Variants in KNSTRN observed in about 807,000 individuals in gnomAD.
KNSTRN encodes the protein kinetochore localized astrin (SPAG5) binding protein.
In KNSTRN, 38 loss-of-function variants were observed where a neutral mutation model predicts 44.7. The observed-to-expected ratio is 0.85, with a 90% confidence interval of 0.66 to 1.11. The LOEUF is 1.11. Among genes scored for constraint, KNSTRN ranks in the 50% most tolerant of loss-of-function variants. KNSTRN has a pLI of 0.00. For synonymous variants in KNSTRN, 158 were observed against 148.1 expected (o/e 1.07, Z -0.48); for missense variants, 406 against 375.8 (o/e 1.08, Z -0.66).
chr15:40,383,646 T>G (rs1433819702), intron 2 of KNSTRN, among the ~76,000 whole-genome samples: 2 of 152,210 alleles, frequency 1.3e-5, no homozygotes, highest in Non-Finnish European at 2.9e-5. Flanking sequence ...ATTTCCAGAC[T>G]TGGGCTATCT....
In KNSTRN at chr15:40,382,810, G is replaced by T. The variant is rs772531865; in HGVS notation, c.-26G>T. On this transcript the variant is annotated 5_prime_UTR_variant, in exon 1 of 9. Coordinates refer to ENST00000249776, the MANE Select transcript of KNSTRN (RefSeq NM_033286.4). ...ACACCTTTCGCTAGGTCTGGCTCTG[G>T]CCTCTGAGCGAACCTTCCGTACAGT... 27 of 1,600,906 alleles carry T rather than the reference G, an allele frequency of 1.7e-5. No homozygotes were observed. The highest frequency in any genetic ancestry group is 2.7e-5 in the African/African-American group (2 of 74,610).
intron 4 of KNSTRN, among the ~76,000 whole-genome samples, chr15:40,388,766 G>A (rs1032583774): frequency 1.3e-5 from 2 of 151,886 alleles, no homozygotes; most frequent in African/African-American, 4.8e-5. Context: ...CCTCATTCCC[G>A]TAAACCCACA....
In KNSTRN at chr15:40,393,901, A is replaced by G. The variant is rs922675422; in HGVS notation, c.*304A>G. 4 of 201,780 alleles carry G rather than the reference A, an allele frequency of 2.0e-5. No homozygotes were observed. The highest frequency in any genetic ancestry group is 4.0e-5 in the Non-Finnish European group (4 of 98,900). 12.5% of individuals were successfully genotyped at this position (201,780 alleles called of 1,614,324 possible). A position where few individuals can be genotyped will look rare whatever the true frequency, so the allele number is the denominator to read the frequency against. On this transcript the variant is annotated 3_prime_UTR_variant, in exon 9 of 9. Transcript: ENST00000249776. ...CCACCTGACTTCAGCACACCATTAC[A>G]ATCGGGAGACTAAACCAACAACCAG...
intron 4 of KNSTRN, chr15:40,389,072 A>G (rs1467834952): frequency 2.5e-6 from 1 of 405,824 alleles, no homozygotes; most frequent in Admixed American, 3.1e-5. Context: ...TATGCAACTC[A>G]CTGAAGGTCA....
intron 3 of KNSTRN, 81 bp downstream of exon 3, chr15:40,386,575 G>GACA: frequency 6.8e-7 from 1 of 1,464,726 alleles, no homozygotes; most frequent in East Asian, 2.3e-5. Context: ...CAGAGTTTTG[G>GACA]ACAACACAAG....
chr15:40,385,584 C>A (rs955565602), intron 2 of KNSTRN, among the ~76,000 whole-genome samples: 2 of 152,068 alleles, frequency 1.3e-5, no homozygotes, highest in Admixed American at 1.3e-4. Flanking sequence ...AGATACTTTC[C>A]TAGGTGATGG....
rs1889999319 is a variant in KNSTRN at position 40,391,619 on chromosome 15, G to A, written c.747+65G>A. On this transcript the variant is annotated intron_variant, in intron 7 of 8. Transcript: ENST00000249776. The stretch of plus-strand genomic sequence containing the variant: ...CTGTGGGGCTCTGTAAATCTAAGAA[G>A]GTCTCTGCTATATATTCCATAAACT... The A allele has an allele frequency of 1.1e-5, 14 of 1,325,420 alleles. No individual in the cohort carries two copies. In the Admixed American group the frequency reaches 2.4e-4, roughly 23 times the overall value. 82.1% of individuals were successfully genotyped at this position (1,325,420 alleles called of 1,614,324 possible). A position where few individuals can be genotyped will look rare whatever the true frequency, so the allele number is the denominator to read the frequency against.
chr15:40,391,683 G>C (rs759586906), intron 7 of KNSTRN, 129 bp downstream of exon 7: 10 of 797,112 alleles, frequency 1.3e-5, no homozygotes, highest in Admixed American at 5.2e-5. Context: ...TGCTAGAAAA[G>C]AGAAATGGGA....
intron 2 of KNSTRN, among the ~76,000 whole-genome samples, chr15:40,386,023 C>T (rs1014753936): frequency 3.9e-5 from 6 of 152,198 alleles, no homozygotes; most frequent in Non-Finnish European, 8.8e-5. Flanking sequence ...ATTGCTTGAG[C>T]CCAGGAGTTC....
chr15:40,392,300 G>C (rs1221881940), intron 8 of KNSTRN, among the ~76,000 whole-genome samples: 1 of 151,830 alleles, frequency 6.6e-6, no homozygotes, highest in Non-Finnish European at 1.5e-5. Flanking sequence ...CATCACCTAG[G>C]TATTGAGCCC....
chr15:40,391,926 A>G (rs1177447332), intron 7 of KNSTRN, 23 bp from the exon 8 acceptor site: 1 of 1,589,554 alleles, frequency 6.3e-7, no homozygotes, highest in East Asian at 2.2e-5. Flanking sequence ...AGATTTGTTT[A>G]CTACATTGTG....
Position 40,389,852 on chromosome 15 carries a change from T to G in KNSTRN, c.608T>G (p.Leu203Arg). The change falls in exon 6 of 9, where the codon CTG (leucine) becomes CGG (arginine). Residue 203 changes from leucine (L) to arginine (R), a missense_variant. Transcript: ENST00000249776. ...LTETQGELKDLTQKVELLEKF... is the reference protein window; with the variant it reads ...LTETQGELKDRTQKVELLEKF... The stretch of plus-strand genomic sequence containing the variant: ...CTCCAATAGGGAGAGCTGAAGGACC[T>G]GACCCAGAAGGTAGAGCTGCTGGAG... 1 of 1,614,214 alleles carries G rather than the reference T, an allele frequency of 6.2e-7. No homozygotes were observed. Among genetic ancestry groups the G allele is most frequent in the Non-Finnish European group, 8.5e-7 (1 of 1,180,010 alleles).
chr15:40,391,444 T>G (rs775961523), intron 6 of KNSTRN, 49 bp from the exon 7 acceptor site: 1 of 1,457,394 alleles, frequency 6.9e-7, no homozygotes, highest in Admixed American at 1.7e-5. Flanking sequence ...TTTCTTTTGT[T>G]TAGGGTGTGT....
chr15:40,392,925 TAAA>T (rs1890025750), intron 8 of KNSTRN, among the ~76,000 whole-genome samples: 1 of 152,056 alleles, frequency 6.6e-6, no homozygotes, highest in Non-Finnish European at 1.5e-5. Flanking sequence ...AAAAATTTTT[TAAA>T]AAACAGACCA....
At chr15:40,384,956 A>C (rs747324726) in intron 2 of KNSTRN, 1 of 152,982 alleles carries the variant, frequency 6.5e-6, no homozygotes, top group Admixed American at 6.5e-5. Flanking sequence ...ATTTTGATCA[A>C]TTGACTGTTA....
chr15:40,382,966 C>G lies in KNSTRN; in HGVS notation c.131C>G (p.Ala44Gly). The G allele has an allele frequency of 6.2e-7, 1 of 1,612,272 alleles. No individual in the cohort carries two copies. Among genetic ancestry groups the G allele is most frequent in the Non-Finnish European group, 8.5e-7 (1 of 1,180,048 alleles). ...FLFETQAADL[A>G]GGTTVAAGNL... Reference sequence around the variant, plus strand: ...TTTGAAACCCAGGCGGCCGACTTAGCCGGTGGCACGACAGTTGCTGCAGGG... The same window carrying G: ...TTTGAAACCCAGGCGGCCGACTTAGGCGGTGGCACGACAGTTGCTGCAGGG... Residue 44 changes from alanine (A) to glycine (G), a missense_variant, in exon 1 of 9, where the codon GCC (alanine) becomes GGC (glycine). Ala to Gly is a moderately conservative substitution (Grantham distance 60, BLOSUM62 0). Transcript: ENST00000249776.
At position 40,389,982 on chromosome 15, in the gene KNSTRN, C is replaced by T. The variant is rs1267111071; in HGVS notation, c.685+53C>T. ...TTTGAAGGAATTGGTGCATGTGCCC[C>T]TTCCGGGGTTGATCTTGGCAGCATG... On this transcript the variant is annotated intron_variant, in intron 6 of 8. Coordinates refer to ENST00000249776, the MANE Select transcript of KNSTRN (RefSeq NM_033286.4). The T allele has an allele frequency of 2.8e-6, 4 of 1,426,846 alleles. No homozygotes were observed. The African/African-American group carries it at 4.2e-5, about 15-fold the overall frequency. The allele number at this position is 1,426,846 out of a possible 1,614,324, so 88.4% of individuals were successfully genotyped here.
chr15:40,382,891 C>G lies in KNSTRN; in HGVS notation c.56C>G (p.Ser19Cys), dbSNP rs775389611. 25 of 1,612,176 alleles carry G rather than the reference C, an allele frequency of 1.6e-5. No individual in the cohort carries two copies. In the East Asian group the frequency reaches 5.3e-4, roughly 34 times the overall value. The change falls in exon 1 of 9, where the codon TCT becomes TGT. Residue 19 changes from serine to cysteine, a missense_variant. By Grantham distance (112) the Ser-to-Cys change is moderately radical. Transcript: ENST00000249776. ...LDRVFRTTWL[S>C]TECDSHPLPP... ...AGAGTTTTCCGTACAACATGGCTGTCTACAGAGTGCGATTCCCACCCACTT... is the reference window on the plus strand; with the variant it reads ...AGAGTTTTCCGTACAACATGGCTGTGTACAGAGTGCGATTCCCACCCACTT...
intron 7 of KNSTRN, 76 bp from the exon 8 acceptor site, chr15:40,391,873 A>T: frequency 1.8e-6 from 2 of 1,125,978 alleles, no homozygotes; most frequent in East Asian, 4.9e-5. Context: ...ACTGTGTGGA[A>T]AGGATGTTAG....
Sources: allele counts gnomAD v4.1 joint callset (sites outside exome capture counted in the v4.1 genomes callset), GRCh38; gene constraint gnomAD v4.1.1; transcripts MANE v1.5; gene names NCBI Gene and HGNC (gene_info 2026-07-23, HGNC 2026-07-21).